PRELID2: variants seen among roughly 807,000 people sequenced by gnomAD.
PRELID2 encodes PRELI domain containing 2, also known as PRELI domain-containing protein 2.
A neutral mutation model predicts 28.4 loss-of-function variants in PRELID2; 25 were observed. The ratio of observed to expected loss-of-function variants is 0.88; its 90% CI spans 0.64 to 1.23. The LOEUF (loss-of-function observed/expected upper bound fraction) is 1.23, where lower values mean the gene tolerates loss of function less well. PRELID2 is among the 50% of genes most tolerant of loss of function. The probability of loss-of-function intolerance (pLI) is 0.00; values close to 1 mark genes in which losing one functional copy is unlikely to be tolerated. For missense variants in PRELID2, 201 were observed against 214.4 expected, an observed-to-expected ratio of 0.94 and a Z score of 0.39; for synonymous variants, 76 against 71.6, an observed-to-expected ratio of 1.06 and a Z score of -0.31.
At chr5:145,374,820 T>C in the PRELID2 span, among the ~76,000 whole-genome samples, 1 of 152,220 alleles carries the variant, frequency 6.6e-6, no homozygotes, top group South Asian at 2.1e-4. Flanking sequence ...TTCTGTGTTT[T>C]TCAGCTCCAT....
intron 5 of PRELID2, among the ~76,000 whole-genome samples, chr5:145,778,729 C>T (rs1561597382): frequency 6.6e-6 from 1 of 152,200 alleles, no homozygotes; most frequent in Non-Finnish European, 1.5e-5. Flanking sequence ...CGCTGCTCCA[C>T]GCCTGACTCA....
chr5:145,682,500 G>A lies in PRELID2; in HGVS notation n.70+82431C>T, dbSNP rs570467785. ...GGCTCCATTATATCCGAAATAAGCT[G>A]CTGCCACTTCGCCCAGATGTATTAA... On this transcript the variant is annotated intron_variant and non_coding_transcript_variant, in intron 1 of 2. Transcript: ENST00000510259. Among the ~76,000 whole-genome samples the A allele has an allele frequency of 1.1e-4, 17 of 152,292 alleles. No homozygotes were observed. In the South Asian group the frequency reaches 3.3e-3, roughly 30 times the overall value.
At chr5:145,405,996 C>G in the PRELID2 span, among the ~76,000 whole-genome samples, 2 of 152,066 alleles carry the variant, frequency 1.3e-5, no homozygotes, top group Admixed American at 1.3e-4. Context: ...TGAGCCACCA[C>G]AGCCAGCTGG....
chr5:145,433,696 G>A, the PRELID2 span, among the ~76,000 whole-genome samples: 1 of 151,978 alleles, frequency 6.6e-6, no homozygotes, highest in African/African-American at 2.4e-5. Flanking sequence ...GCAGAGGTTG[G>A]CCAGCATCCT....
chr5:145,798,002 T>C (rs960957478), intron 4 of PRELID2, among the ~76,000 whole-genome samples: 2 of 150,892 alleles, frequency 1.3e-5, no homozygotes, highest in Non-Finnish European at 3.0e-5. Flanking sequence ...AAAATGAGAC[T>C]ATCAACAAAA....
chr5:145,258,741 G>A, the PRELID2 span, among the ~76,000 whole-genome samples: 1 of 152,156 alleles, frequency 6.6e-6, no homozygotes, highest in Non-Finnish European at 1.5e-5. Context: ...CTGGCTGTGT[G>A]GTAGAAAAGA....
At chr5:145,550,042 T>C (rs1396255659) in intron 1 of PRELID2, among the ~76,000 whole-genome samples, 2 of 152,084 alleles carry the variant, frequency 1.3e-5, no homozygotes. Context: ...GGATTTCAAA[T>C]GGGCCAGCAG....
the PRELID2 span, among the ~76,000 whole-genome samples, chr5:145,387,759 C>A: frequency 6.6e-6 from 1 of 151,958 alleles, no homozygotes; most frequent in Admixed American, 6.6e-5. Flanking sequence ...TAAGGAGACC[C>A]TGTCTGTACA....
chr5:145,790,753 G>A (rs1406044822), intron 5 of PRELID2, among the ~76,000 whole-genome samples: 8 of 131,648 alleles, frequency 6.1e-5, no homozygotes, highest in Non-Finnish European at 1.3e-4. Flanking sequence ...ATATCAAAAT[G>A]CCACATTGTA....
chr5:145,587,429 T>C lies in PRELID2; in HGVS notation n.71-114114A>G, dbSNP rs192467331. Among the ~76,000 whole-genome samples, 11 of 152,232 alleles carry C rather than the reference T, an allele frequency of 7.2e-5. No homozygotes were observed. The East Asian group carries it at 2.1e-3, about 29-fold the overall frequency. ...AGAAAGATGCCGATGTCGAATTGAC[T>C]TTCTCCTCTTCATGCATCTTCAGTT... On this transcript the variant is annotated intron_variant and non_coding_transcript_variant, in intron 1 of 2. Coordinates refer to the PRELID2 transcript ENST00000510259.
chr5:145,393,404 T>C, the PRELID2 span, among the ~76,000 whole-genome samples: 67 of 152,174 alleles, frequency 4.4e-4, no homozygotes, highest in Non-Finnish European at 6.5e-4. Context: ...AAGAAAAAAC[T>C]CTAGGCAAAT....
chr5:145,298,090 G>A, the PRELID2 span, among the ~76,000 whole-genome samples: 3 of 152,034 alleles, frequency 2.0e-5, no homozygotes, highest in South Asian at 4.2e-4. Context: ...AGCTACCAAC[G>A]ACTTTCTTCA....
Position 145,619,716 on chromosome 5 carries a change from T to C in PRELID2, n.70+145215A>G, listed in dbSNP as rs529395260. 2.6e-5 allele frequency among the ~76,000 whole-genome samples: 4 copies of C among 152,294 alleles called. No individual in the cohort carries two copies. In the East Asian group the frequency reaches 7.7e-4, roughly 29 times the overall value. ...GTTGGAGCTGCAATCTAGCCCTGCCTCGCATCCACCATGATGCCTCCTCAA... is the reference window on the plus strand; with the variant it reads ...GTTGGAGCTGCAATCTAGCCCTGCCCCGCATCCACCATGATGCCTCCTCAA... On this transcript the variant is annotated intron_variant and non_coding_transcript_variant, in intron 1 of 2. Transcript: ENST00000510259.
At chr5:145,311,663 A>G in the PRELID2 span, among the ~76,000 whole-genome samples, 1 of 152,172 alleles carries the variant, frequency 6.6e-6, no homozygotes, top group African/African-American at 2.4e-5. Flanking sequence ...ATGCAACAGT[A>G]CTATATTTAA....
intron 1 of PRELID2, among the ~76,000 whole-genome samples, chr5:145,730,137 C>T (rs1756297266): frequency 6.6e-6 from 1 of 152,074 alleles, no homozygotes; most frequent in African/African-American, 2.4e-5. Flanking sequence ...GGTAGCCTTC[C>T]ACCCTTTAGC....
the PRELID2 span, among the ~76,000 whole-genome samples, chr5:145,462,213 C>T: frequency 6.6e-6 from 1 of 152,156 alleles, no homozygotes; most frequent in Non-Finnish European, 1.5e-5. Flanking sequence ...CCAGAAAAAT[C>T]TCAGGAGACT....
chr5:145,356,121 C>A, the PRELID2 span, among the ~76,000 whole-genome samples: 1 of 152,122 alleles, frequency 6.6e-6, no homozygotes, highest in Non-Finnish European at 1.5e-5. Context: ...CTTATATTGA[C>A]CTAACACTGG....
intron 4 of PRELID2, among the ~76,000 whole-genome samples, chr5:145,812,769 G>A (rs1754042222): frequency 6.6e-6 from 1 of 152,212 alleles, no homozygotes; most frequent in South Asian, 2.1e-4. Context: ...AGAGTCAGAT[G>A]AGTGAGAAAC....
Position 145,796,427 on chromosome 5 carries a change from C to A in PRELID2, c.474+15G>T. On this transcript the variant is annotated intron_variant, in intron 5 of 6. Coordinates refer to ENST00000683046, the MANE Select transcript of PRELID2 (RefSeq NM_205846.3). ...TTTTAAAATTAATGTTGGTTCAAAGCAGAAATATGGTTACCTTCTGGGCTC... is the reference window on the plus strand; with the variant it reads ...TTTTAAAATTAATGTTGGTTCAAAGAAGAAATATGGTTACCTTCTGGGCTC... 7.0e-6 allele frequency: 11 copies of A among 1,561,494 alleles called. No homozygotes were observed. The highest frequency in any genetic ancestry group is 9.7e-6 in the Non-Finnish European group (11 of 1,136,280).
Sources: gnomAD v4.1 joint callset for allele counts (sites outside exome capture counted in the v4.1 genomes callset) on GRCh38, gnomAD v4.1.1 for gene constraint, MANE v1.5 for transcripts, NCBI Gene and HGNC (gene_info 2026-07-23, HGNC 2026-07-21) for gene names.